Variants in GABRA5 observed in about 807,000 individuals in gnomAD.
The protein encoded by GABRA5 is gamma-aminobutyric acid receptor subunit alpha-5.
GABRA5 carries 18 observed loss-of-function variants against 47.3 expected under a neutral mutation model. The observed-to-expected ratio is 0.38, with a 90% CI of 0.26 to 0.56. The LOEUF (loss-of-function observed/expected upper bound fraction) is 0.56, where lower values mean the gene tolerates loss of function less well. Ranked by LOEUF, GABRA5 falls within the 20% of genes least tolerant of loss-of-function variation. GABRA5 has a pLI of 0.71. For synonymous variants in GABRA5, 237 were observed against 229.3 expected (o/e 1.03, Z -0.30); for missense variants, 365 against 599.3 (o/e 0.61, Z 4.08).
Position 26,881,121 on chromosome 15 carries a change from T to C in GABRA5, c.208+154T>C, listed in dbSNP as rs375595997. On this transcript the variant is annotated intron_variant, in intron 4 of 10. Coordinates refer to ENST00000335625, the MANE Select transcript of GABRA5 (RefSeq NM_000810.4). ...GCTGTTCCACTCTTGCCAAGAATCA[T>C]GCACCCTTTGTTATTGTCTAGACGC... Among the ~76,000 whole-genome samples, 306 of 152,316 alleles carry C rather than the reference T, an allele frequency of 2.0e-3. 3 individuals are homozygous for C. The highest frequency in any genetic ancestry group is 7.1e-3 in the African/African-American group (296 of 41,570).
intron 6 of GABRA5, among the ~76,000 whole-genome samples, chr15:26,908,531 A>C (rs145237469): frequency 6.6e-6 from 1 of 152,200 alleles, no homozygotes; most frequent in African/African-American, 2.4e-5. Flanking sequence ...ATGGGGCACA[A>C]CTCTGGTGCA....
chr15:26,933,453 T>C (rs960171939), intron 7 of GABRA5, among the ~76,000 whole-genome samples: 1 of 152,220 alleles, frequency 6.6e-6, no homozygotes, highest in African/African-American at 2.4e-5. Flanking sequence ...GATTTCTTCC[T>C]AAACACGGCT....
chr15:26,912,986 C>T (rs1260984261), intron 6 of GABRA5, among the ~76,000 whole-genome samples: 2 of 152,092 alleles, frequency 1.3e-5, no homozygotes, highest in Non-Finnish European at 2.9e-5. Context: ...AGTTTGAGAC[C>T]AGCCTGGCCA....
At chr15:26,882,460 T>C (rs1173219396) in intron 4 of GABRA5, among the ~76,000 whole-genome samples, 1 of 152,112 alleles carries the variant, frequency 6.6e-6, no homozygotes, top group Non-Finnish European at 1.5e-5. Flanking sequence ...GCACTTTGAA[T>C]TGCTTCCTAC....
chr15:26,904,579 A>G lies in GABRA5; in HGVS notation c.498-10224A>G, dbSNP rs1230971364. On this transcript the variant is annotated intron_variant, in intron 6 of 10. Transcript: ENST00000335625. ...CAGTATGGCCATTTTAGTGATATCA[A>G]TTCTTCCTATCCATGAGCATGGAAT... 7.2e-5 allele frequency among the ~76,000 whole-genome samples: 11 copies of G among 152,122 alleles called. No homozygotes were observed. In the East Asian group the frequency reaches 1.2e-3, roughly 16 times the overall value.
At chr15:26,881,747 A>G (rs1159248416) in intron 4 of GABRA5, among the ~76,000 whole-genome samples, 10 of 152,118 alleles carry the variant, frequency 6.6e-5, no homozygotes, top group Admixed American at 5.2e-4. Flanking sequence ...TTGCCCAGGC[A>G]GGAGTGCAAT....
intron 6 of GABRA5, among the ~76,000 whole-genome samples, chr15:26,908,277 T>TC (rs1893493276): frequency 6.6e-6 from 1 of 152,106 alleles, no homozygotes; most frequent in Admixed American, 6.6e-5. Flanking sequence ...TAGCACAAAC[T>TC]ATGCTCCGTG....
chr15:26,901,832 G>A (rs985819406), intron 6 of GABRA5, among the ~76,000 whole-genome samples: 2 of 152,068 alleles, frequency 1.3e-5, no homozygotes, highest in Non-Finnish European at 2.9e-5. Context: ...TCTTGTGAAG[G>A]GTATAAGGTT....
At chr15:26,934,446 A>T (rs1229589171) in intron 7 of GABRA5, among the ~76,000 whole-genome samples, 2 of 152,136 alleles carry the variant, frequency 1.3e-5, no homozygotes, top group Non-Finnish European at 2.9e-5. Context: ...CTTACCAGAG[A>T]CTCACAAACT....
intron 7 of GABRA5, among the ~76,000 whole-genome samples, chr15:26,925,074 A>C: frequency 6.6e-6 from 1 of 152,074 alleles, no homozygotes; most frequent in East Asian, 1.9e-4. Flanking sequence ...ATGCATTTTC[A>C]TCTTTCTGAA....
chr15:26,934,285 GGAAA>G (rs1894183988), intron 7 of GABRA5, among the ~76,000 whole-genome samples: 1 of 149,482 alleles, frequency 6.7e-6, no homozygotes, highest in African/African-American at 2.5e-5. Flanking sequence ...AGAAAAAAAA[GGAAA>G]GAAAGAAAGA....
intron 6 of GABRA5, among the ~76,000 whole-genome samples, chr15:26,894,187 G>A (rs1893117548): frequency 1.3e-5 from 2 of 152,178 alleles, no homozygotes; most frequent in African/African-American, 4.8e-5. Flanking sequence ...CCCTCACTTG[G>A]ACAAAGGTGG....
chr15:26,914,043 T>C (rs1893663811), intron 6 of GABRA5, among the ~76,000 whole-genome samples: 1 of 152,170 alleles, frequency 6.6e-6, no homozygotes. Flanking sequence ...TCAATGCAGG[T>C]AGAATCCCTC....
intron 6 of GABRA5, among the ~76,000 whole-genome samples, chr15:26,892,396 CG>C (rs1893029257): frequency 6.6e-6 from 1 of 152,190 alleles, no homozygotes; most frequent in Non-Finnish European, 1.5e-5. Flanking sequence ...CTCCCTTCTC[CG>C]GGCCCTACCC....
intron 6 of GABRA5, among the ~76,000 whole-genome samples, chr15:26,887,014 G>T (rs1388850950): frequency 1.3e-5 from 2 of 152,178 alleles, no homozygotes; most frequent in Non-Finnish European, 2.9e-5. Flanking sequence ...TCACCCTGTG[G>T]TTGAGCACTT....
At chr15:26,927,396 A>G (rs775652673) in intron 7 of GABRA5, among the ~76,000 whole-genome samples, 24 of 151,836 alleles carry the variant, frequency 1.6e-4, no homozygotes, top group Admixed American at 2.6e-4. Flanking sequence ...ACATGTGTGC[A>G]CCACTGCGCC....
intron 7 of GABRA5, among the ~76,000 whole-genome samples, chr15:26,924,158 C>CTTTTTT (rs536989357): frequency 1.6e-5 from 2 of 123,762 alleles, no homozygotes; most frequent in Admixed American, 8.8e-5. Flanking sequence ...TAATACAAGG[C>CTTTTTT]TTTTTTTTTT....
rs1282273598 is a variant in GABRA5, at chr15:26,897,334, G to A, written c.497+13777G>A. Among the ~76,000 whole-genome samples, 9 of 152,122 alleles carry A rather than the reference G, an allele frequency of 5.9e-5. No homozygotes were observed. The East Asian group carries it at 7.7e-4, about 13-fold the overall frequency. On this transcript the variant is annotated intron_variant, in intron 6 of 10. Transcript: ENST00000335625. ...TACAATGAGGAGAAGATTAGAACACGGGCACCCACAGAAGGAAGACCATGC... is the reference window on the plus strand; with the variant it reads ...TACAATGAGGAGAAGATTAGAACACAGGCACCCACAGAAGGAAGACCATGC...
chr15:26,885,738 G>A (rs1892861786), intron 6 of GABRA5, among the ~76,000 whole-genome samples: 2 of 152,170 alleles, frequency 1.3e-5, no homozygotes, highest in African/African-American at 2.4e-5. Flanking sequence ...GAAAAAGGAA[G>A]GGTTTGGAGA....
Sources: allele counts gnomAD v4.1 joint callset (sites outside exome capture counted in the v4.1 genomes callset), GRCh38; gene constraint gnomAD v4.1.1; transcripts MANE v1.5; gene names NCBI Gene and HGNC (gene_info 2026-07-23, HGNC 2026-07-21).